GALNT13: variants seen among roughly 807,000 people sequenced by gnomAD.
The protein encoded by GALNT13 is polypeptide N-acetylgalactosaminyltransferase 13.
Under a neutral mutation model 64.2 loss-of-function variants are expected in GALNT13, and 28 were observed. The observed-to-expected ratio is 0.44, with a 90% CI of 0.32 to 0.60. The LOEUF is 0.60. Among genes scored for constraint, GALNT13 ranks in the 20% least tolerant of loss-of-function variants. The pLI, the probability that GALNT13 is intolerant of heterozygous loss-of-function variation, is 0.05. For synonymous variants in GALNT13, 214 were observed against 224.6 expected (o/e 0.95, Z 0.42); for missense variants, 577 against 669.8 (o/e 0.86, Z 1.53).
the GALNT13 span, among the ~76,000 whole-genome samples, chr2:153,766,133 T>C: frequency 1.2e-4 from 18 of 151,932 alleles, no homozygotes; most frequent in African/African-American, 4.4e-4. Flanking sequence ...GGATAAAATA[T>C]TCATGGTTGG....
chr2:153,744,045 T>C, the GALNT13 span, among the ~76,000 whole-genome samples: 2 of 152,128 alleles, frequency 1.3e-5, no homozygotes, highest in South Asian at 4.1e-4. Flanking sequence ...ATCCATTATG[T>C]ATATGTACAA....
At chr2:153,393,979 C>A in the GALNT13 span, among the ~76,000 whole-genome samples, 3 of 92,300 alleles carry the variant, frequency 3.3e-5, no homozygotes, top group Non-Finnish European at 6.9e-5. Flanking sequence ...CACACACACA[C>A]ACACACACAC....
At chr2:153,932,450 A>T (rs1202170765) in intron 2 of GALNT13, among the ~76,000 whole-genome samples, 1 of 151,970 alleles carries the variant, frequency 6.6e-6, no homozygotes, top group East Asian at 1.9e-4. Flanking sequence ...TGCTTTAGCT[A>T]TGTCCCAGAG....
the GALNT13 span, among the ~76,000 whole-genome samples, chr2:153,324,888 C>T: frequency 1.3e-5 from 2 of 152,030 alleles, no homozygotes; most frequent in East Asian, 3.9e-4. Flanking sequence ...GTTTGCCAGT[C>T]TTTTATGGAA....
At chr2:153,765,511 G>A in the GALNT13 span, among the ~76,000 whole-genome samples, 1 of 152,148 alleles carries the variant, frequency 6.6e-6, no homozygotes, top group Non-Finnish European at 1.5e-5. Context: ...TTGTATCTAC[G>A]AAGTAAGTAA....
chr2:153,631,996 A>G, the GALNT13 span, among the ~76,000 whole-genome samples: 1 of 152,142 alleles, frequency 6.6e-6, no homozygotes, highest in African/African-American at 2.4e-5. Flanking sequence ...TAGGATAAAA[A>G]TTCAGGTATT....
In GALNT13 at chr2:154,390,685, G is replaced by C. The variant is rs799800; in HGVS notation, c.1157-5306G>C. 2.8e-3 allele frequency among the ~76,000 whole-genome samples: 427 copies of C among 151,920 alleles called. 1 individual carries two copies. Among genetic ancestry groups the C allele is most frequent in the African/African-American group, 9.7e-3 (400 of 41,398 alleles). ...GACAGCTTATTTAAAAAAAATAGGA[G>C]CCCATAAATTTTATCATTTACCTAT... On this transcript the variant is annotated intron_variant, in intron 9 of 12. Coordinates refer to ENST00000392825, the MANE Select transcript of GALNT13 (RefSeq NM_052917.4).
the GALNT13 span, among the ~76,000 whole-genome samples, chr2:153,555,257 C>G: frequency 1.7e-4 from 22 of 130,806 alleles, 3 homozygotes; most frequent in Admixed American, 1.3e-3. Flanking sequence ...TGCAGTGGCG[C>G]GATCTCGGCT....
chr2:153,756,864 T>A, the GALNT13 span, among the ~76,000 whole-genome samples: 1 of 152,088 alleles, frequency 6.6e-6, no homozygotes, highest in African/African-American at 2.4e-5. Flanking sequence ...TCTATTATCC[T>A]ATTTTTTTCC....
At chr2:154,154,880 T>A (rs1352700330) in intron 4 of GALNT13, among the ~76,000 whole-genome samples, 1 of 151,970 alleles carries the variant, frequency 6.6e-6, no homozygotes, top group Non-Finnish European at 1.5e-5. Flanking sequence ...AATATGACTT[T>A]AATGTTTCAA....
At chr2:154,152,373 T>A (rs535074380) in intron 4 of GALNT13, among the ~76,000 whole-genome samples, 2 of 152,122 alleles carry the variant, frequency 1.3e-5, no homozygotes, top group African/African-American at 2.4e-5. Context: ...ATTTTTTCCT[T>A]CATTTCAGCT....
the GALNT13 span, among the ~76,000 whole-genome samples, chr2:153,365,943 T>C: frequency 4.6e-5 from 7 of 152,168 alleles, no homozygotes; most frequent in Non-Finnish European, 1.0e-4. Context: ...CATGCACTCA[T>C]ACGTTGATTG....
chr2:153,833,674 C>A, the GALNT13 span, among the ~76,000 whole-genome samples: 1 of 152,088 alleles, frequency 6.6e-6, no homozygotes, highest in Non-Finnish European at 1.5e-5. Flanking sequence ...ATGCACTAGG[C>A]GTCTTGAAAT....
At chr2:154,303,729 G>A (rs1042418935) in intron 9 of GALNT13, among the ~76,000 whole-genome samples, 3 of 151,940 alleles carry the variant, frequency 2.0e-5, no homozygotes, top group Non-Finnish European at 4.4e-5. Context: ...GAGAGGAAAA[G>A]GTCCAAGTTT....
At chr2:154,165,109 G>A (rs1330298397) in intron 4 of GALNT13, among the ~76,000 whole-genome samples, 1 of 152,066 alleles carries the variant, frequency 6.6e-6, no homozygotes, top group Non-Finnish European at 1.5e-5. Context: ...AAAGCACAGG[G>A]AAATAGTAAG....
chr2:153,534,791 C>T, the GALNT13 span, among the ~76,000 whole-genome samples: 1 of 151,840 alleles, frequency 6.6e-6, no homozygotes, highest in African/African-American at 2.4e-5. Flanking sequence ...AGGCAAGGAC[C>T]GGCCATTTAC....
chr2:154,102,996 T>A (rs1176250180), intron 3 of GALNT13, among the ~76,000 whole-genome samples: 1 of 152,166 alleles, frequency 6.6e-6, no homozygotes, highest in Non-Finnish European at 1.5e-5. Context: ...TGTTGATGTT[T>A]CTTTTGTATA....
Position 154,192,295 on chromosome 2 carries a change from G to C in GALNT13, c.312-49735G>C, listed in dbSNP as rs1686635436. ...TCGGGGTTTTTATAGGCACAGGATG[G>C]GGGTGTGACAGGCCAGGGTGAGAAA... is the stretch of plus-strand genomic sequence containing the variant. On this transcript the variant is annotated intron_variant, in intron 4 of 12. Coordinates refer to ENST00000392825, the MANE Select transcript of GALNT13 (RefSeq NM_052917.4). 2.0e-5 allele frequency among the ~76,000 whole-genome samples: 3 copies of C among 152,118 alleles called. No individual in the cohort carries two copies. The South Asian group carries it at 6.2e-4, about 32-fold the overall frequency.
intron 10 of GALNT13, among the ~76,000 whole-genome samples, chr2:154,398,768 G>C: frequency 6.6e-6 from 1 of 152,172 alleles, no homozygotes; most frequent in East Asian, 1.9e-4. Context: ...GATGACTGAA[G>C]ACATAAAACA....
Sources: allele counts gnomAD v4.1 joint callset (sites outside exome capture counted in the v4.1 genomes callset), GRCh38; gene constraint gnomAD v4.1.1; transcripts MANE v1.5; gene names NCBI Gene and HGNC (gene_info 2026-07-23, HGNC 2026-07-21).